USP2: variants seen among roughly 807,000 people sequenced by gnomAD.
The protein encoded by USP2 is ubiquitin specific peptidase 2.
Under a neutral mutation model 72.0 loss-of-function variants are expected in USP2, and 33 were observed. That is an observed-to-expected ratio of 0.46 (90% CI 0.35 to 0.61). USP2 has a LOEUF of 0.61. Ranked by LOEUF, USP2 falls within the 20% of genes least tolerant of loss-of-function variation. The pLI is 0.01. For synonymous variants in USP2, 296 were observed against 312.5 expected, an observed-to-expected ratio of 0.95 and a Z score of 0.56; for missense variants, 691 against 797.8, an observed-to-expected ratio of 0.87 and a Z score of 1.61.
At chr11:119,367,278 G>C (rs529775110) in intron 2 of USP2, among the ~76,000 whole-genome samples, 2 of 152,188 alleles carry the variant, frequency 1.3e-5, no homozygotes, top group African/African-American at 4.8e-5. Flanking sequence ...TATAGGATAA[G>C]TAATTTTTGT....
At chr11:119,378,456 G>A (rs1951027191) in intron 1 of USP2, among the ~76,000 whole-genome samples, 1 of 152,156 alleles carries the variant, frequency 6.6e-6, no homozygotes, top group Admixed American at 6.5e-5. Flanking sequence ...GCTAGCACCC[G>A]CTGATCCACC....
Position 119,357,677 on chromosome 11 carries a change from C to A in USP2, c.1501+80G>T. On this transcript the variant is annotated intron_variant, in intron 10 of 12. Coordinates refer to ENST00000260187, the MANE Select transcript of USP2 (RefSeq NM_004205.5). ...AGCCTACAAGGTCCGTTTCTTCCGA[C>A]TGTTCCCCTCACCTATGGGCCCCTT... 2.5e-6 allele frequency: 4 copies of A among 1,613,486 alleles called. No homozygotes were observed. The South Asian group carries it at 4.4e-5, about 18-fold the overall frequency.
At chr11:119,373,835 C>T (rs952315153) in intron 1 of USP2, among the ~76,000 whole-genome samples, 2 of 152,190 alleles carry the variant, frequency 1.3e-5, no homozygotes, top group South Asian at 2.1e-4. Context: ...CCCACCAAGC[C>T]GTGCAGTCTT....
rs1360424735 is a variant in USP2, at chr11:119,356,782, A to G, written c.*53T>C. 1.3e-6 allele frequency: 2 copies of G among 1,482,440 alleles called. No individual in the cohort carries two copies. The highest frequency in any genetic ancestry group is 1.8e-6 in the Non-Finnish European group (2 of 1,107,962). 91.8% of individuals were successfully genotyped at this position (1,482,440 alleles called of 1,614,324 possible). ...TGTTTTGTTTTTGTCTTTTTAAAAA[A>G]TTTAGGGAGCGGGGCCACCACGGGG... On this transcript the variant is annotated 3_prime_UTR_variant, in exon 13 of 13. Coordinates refer to ENST00000260187, the MANE Select transcript of USP2 (RefSeq NM_004205.5).
chr11:119,367,637 G>GGGGTC, intron 2 of USP2, among the ~76,000 whole-genome samples: 1 of 152,192 alleles, frequency 6.6e-6, no homozygotes. Flanking sequence ...CTGCTTCCCT[G>GGGGTC]CATGACGTGG....
intron 1 of USP2, among the ~76,000 whole-genome samples, chr11:119,375,498 T>A (rs193144349): frequency 6.5e-4 from 99 of 152,132 alleles, no homozygotes; most frequent in Admixed American, 5.2e-3. Context: ...CACCCCTTTC[T>A]AGGAAAAGGT....
chr11:119,358,973 T>C (rs1950718119), intron 6 of USP2, 51 bp downstream of exon 6: 1 of 1,600,152 alleles, frequency 6.2e-7, no homozygotes, highest in East Asian at 2.2e-5. Context: ...TGGGTAAAAA[T>C]CTCGAGTTCA....
intron 2 of USP2, among the ~76,000 whole-genome samples, chr11:119,365,899 T>C (rs1241183016): frequency 6.0e-5 from 2 of 33,064 alleles, no homozygotes; most frequent in Non-Finnish European, 1.4e-4. Context: ...ATTTGTTTTG[T>C]TTTTTTTTTT....
chr11:119,374,769 G>T (rs1950978553), intron 1 of USP2, among the ~76,000 whole-genome samples: 1 of 152,130 alleles, frequency 6.6e-6, no homozygotes. Context: ...TTTCTAGGGG[G>T]ATGGAGCAGA....
At chr11:119,369,341 A>G (rs561507298) in intron 2 of USP2, among the ~76,000 whole-genome samples, 22 of 151,818 alleles carry the variant, frequency 1.4e-4, no homozygotes, top group Admixed American at 9.2e-4. Flanking sequence ...AGTCTGTGAT[A>G]TTCAAAGTTC....
chr11:119,360,234 T>G lies in USP2; in HGVS notation c.775A>C (p.Asn259His), dbSNP rs1289788011. ...RSSSPGRDGMNSKSAQGLAGL... is the reference protein window; with the variant it reads ...RSSSPGRDGMHSKSAQGLAGL... ...GCCAGACCCTGGGCACTCTTAGAATTCTGTAAGCAAAGAACATATGGCAAT... is the reference window on the plus strand; with the variant it reads ...GCCAGACCCTGGGCACTCTTAGAATGCTGTAAGCAAAGAACATATGGCAAT... Residue 259 changes from asparagine (N) to histidine (H), a missense_variant and splice_region_variant, in exon 3 of 13, where the codon AAT becomes CAT. Transcript: ENST00000260187. 1.2e-6 allele frequency: 2 copies of G among 1,613,768 alleles called. No individual in the cohort carries two copies.
intron 1 of USP2, among the ~76,000 whole-genome samples, chr11:119,377,387 A>G (rs1951015180): frequency 6.6e-6 from 1 of 152,194 alleles, no homozygotes; most frequent in South Asian, 2.1e-4. Flanking sequence ...GGGAAGGACC[A>G]CCACAGGATC....
chr11:119,363,979 G>A (rs1158276648), intron 2 of USP2: 2 of 1,211,840 alleles, frequency 1.7e-6, no homozygotes, highest in African/African-American at 1.6e-5. Flanking sequence ...CAGGGTCACG[G>A]TGTACGAGGT....
Position 119,381,682 on chromosome 11 carries a change from A to C in USP2, c.-251T>G. Reference sequence around the variant, plus strand: ...GCGCCACCCAGCGGGCAGCCGCCTCATCGCGCCTGGGCCGGCAGAGCCACA... The same window carrying C: ...GCGCCACCCAGCGGGCAGCCGCCTCCTCGCGCCTGGGCCGGCAGAGCCACA... On this transcript the variant is annotated 5_prime_UTR_variant, in exon 1 of 13. An upstream start codon of the reference 5' UTR is lost. Transcript: ENST00000260187. 6 of 850,242 alleles carry C rather than the reference A, an allele frequency of 7.1e-6. No homozygotes were observed. In the South Asian group the frequency reaches 8.8e-5, roughly 13 times the overall value. The allele number at this position is 850,242 out of a possible 1,614,324, so 52.7% of individuals were successfully genotyped here.
Position 119,355,425 on chromosome 11 carries a change from G to A in USP2, c.*1410C>T, listed in dbSNP as rs1430136764. ...GCCTGGAATGTGCCAGGCTCCACGG[G>A]GCACAAGCCGGGCCCAGCTGTGTGG... On this transcript the variant is annotated 3_prime_UTR_variant, in exon 13 of 13. Transcript: ENST00000260187. The A allele has an allele frequency of 6.6e-6, 1 of 152,230 alleles. No individual in the cohort carries two copies. Among genetic ancestry groups the A allele is most frequent in the Non-Finnish European group, 1.5e-5 (1 of 68,070 alleles). The allele number at this position is 152,230 out of a possible 1,614,324, so 9.4% of individuals were successfully genotyped here.
chr11:119,378,863 G>A, intron 1 of USP2: 1 of 466,066 alleles, frequency 2.1e-6, no homozygotes, highest in African/African-American at 2.1e-5. Context: ...TCTGTTCTCA[G>A]CCTCCGGAGG....
chr11:119,358,228 C>T lies in USP2; in HGVS notation c.1262G>A (p.Ser421Asn), dbSNP rs1443897555. 1.2e-6 allele frequency: 2 copies of T among 1,613,460 alleles called. No homozygotes were observed. The highest frequency in any genetic ancestry group is 1.7e-5 in the Admixed American group (1 of 60,034). Residue 421 changes from serine to asparagine, a missense_variant, in exon 8 of 13, where the codon AGC becomes AAC. Coordinates refer to ENST00000260187, the MANE Select transcript of USP2 (RefSeq NM_004205.5). ...IGDLFVGQLK[S>N]SLTCTDCGYC... ...ACCACAATCTGTACACGTCAGCGAG[C>T]TCTTTAGCTGCCCAACAAAGAGATC...
Position 119,359,382 on chromosome 11 carries a change from T to C in USP2, c.950-40A>G, listed in dbSNP as rs142754043. The C allele has an allele frequency of 1.5e-5, 24 of 1,592,358 alleles. 1 individual carries two copies. In the Middle Eastern group the frequency reaches 5.1e-4, roughly 34 times the overall value. The stretch of plus-strand genomic sequence containing the variant: ...GAGTGTACAGGACAGCTGAGATATT[T>C]TCTATAAGAAACTCTGAAACTAGAA... On this transcript the variant is annotated intron_variant, in intron 4 of 12. Coordinates refer to ENST00000260187, the MANE Select transcript of USP2 (RefSeq NM_004205.5).
At chr11:119,376,026 T>C (rs1318155818) in intron 1 of USP2, among the ~76,000 whole-genome samples, 1 of 152,232 alleles carries the variant, frequency 6.6e-6, no homozygotes, top group East Asian at 1.9e-4. Flanking sequence ...CTGGGAGTCA[T>C]GCCATCACTA....
Sources: allele counts gnomAD v4.1 joint callset (sites outside exome capture counted in the v4.1 genomes callset), GRCh38; gene constraint gnomAD v4.1.1; transcripts MANE v1.5; gene names NCBI Gene and HGNC (gene_info 2026-07-23, HGNC 2026-07-21).